The following TYW1B variants were observed in gnomAD, a reference collection of about 807,000 sequenced individuals.
TYW1B encodes S-adenosyl-L-methionine-dependent tRNA 4-demethylwyosine synthase TYW1B.
A neutral mutation model predicts 86.9 loss-of-function variants in TYW1B; 73 were observed. That is an observed-to-expected ratio of 0.84 (90% confidence interval 0.70 to 1.02). The LOEUF (loss-of-function observed/expected upper bound fraction) is 1.02. TYW1B is among the 50% of genes least tolerant of loss of function. The probability of loss-of-function intolerance (pLI) is 0.00; values close to 1 mark genes in which losing one functional copy is unlikely to be tolerated. For missense variants in TYW1B, 637 were observed against 827.4 expected, an observed-to-expected ratio of 0.77 and a Z score of 2.82; for synonymous variants, 248 against 292.8, an observed-to-expected ratio of 0.85 and a Z score of 1.56.
chr7:72,744,506 T>G lies in TYW1B; in HGVS notation c.1060A>C (p.Asn354His), dbSNP rs782625699. 3 of 1,611,986 alleles carry G rather than the reference T, an allele frequency of 1.9e-6. No homozygotes were observed. The highest frequency in any genetic ancestry group is 1.7e-4 in the Middle Eastern group (1 of 6,052). The stretch of plus-strand genomic sequence containing the variant: ...TACCACCAACAGAAGACACATTTAT[T>G]AGCACACGCCAAGCTCGGGGTGGTT... ...METTPSLACA[N>H]KCVFCWWHHN... The change falls in exon 8 of 14, where the codon AAT becomes CAT. Residue 354 changes from asparagine to histidine, a missense_variant. Physicochemically the swap from Asn to His is moderately conservative, Grantham distance 68. Coordinates refer to ENST00000620995, the MANE Select transcript of TYW1B (RefSeq NM_001145440.3).
intron 6 of TYW1B, among the ~76,000 whole-genome samples, chr7:72,800,339 G>A (rs1247452839): frequency 2.0e-5 from 3 of 151,858 alleles, no homozygotes; most frequent in Non-Finnish European, 2.9e-5. Flanking sequence ...TTGTGACTAC[G>A]GGCACATGCC....
rs117337231 is a variant in TYW1B at position 72,707,925 on chromosome 7, G to A, written c.1370+5696C>T. Among the ~76,000 whole-genome samples the A allele has an allele frequency of 6.5e-3, 991 of 152,322 alleles. 8 individuals are homozygous for A. The highest frequency in any genetic ancestry group is 9.7e-3 in the Non-Finnish European group (661 of 68,034). ...ACGAGATGTGGTTGTTTAAAAGTGT[G>A]CAACATTTCCCTTCCCCCTTCATTC... is the stretch of plus-strand genomic sequence containing the variant. On this transcript the variant is annotated intron_variant, in intron 10 of 13. Transcript: ENST00000620995.
intron 7 of TYW1B, among the ~76,000 whole-genome samples, chr7:72,764,911 T>A (rs1176815252): frequency 6.6e-6 from 1 of 152,214 alleles, no homozygotes; most frequent in Non-Finnish European, 1.5e-5. Flanking sequence ...TGGTAAAGTA[T>A]ACTTTTGTGA....
chr7:72,784,618 C>G (rs1554472155), intron 6 of TYW1B, among the ~76,000 whole-genome samples: 1 of 152,196 alleles, frequency 6.6e-6, no homozygotes, highest in African/African-American at 2.4e-5. Context: ...CTGCCTCAGT[C>G]TCCCGAGTAG....
chr7:72,720,517 G>T (rs1786875846), intron 9 of TYW1B, among the ~76,000 whole-genome samples: 1 of 152,140 alleles, frequency 6.6e-6, no homozygotes, highest in South Asian at 2.1e-4. Flanking sequence ...ACTTTTTAAA[G>T]TAATGGATTC....
chr7:72,672,244 G>A (rs534811719), intron 11 of TYW1B, among the ~76,000 whole-genome samples: 2 of 152,036 alleles, frequency 1.3e-5, no homozygotes, highest in African/African-American at 4.8e-5. Flanking sequence ...ATGTGGAACT[G>A]TAAGTCCCAT....
intron 2 of TYW1B, among the ~76,000 whole-genome samples, chr7:72,816,421 T>G (rs1415865081): frequency 6.6e-6 from 1 of 151,504 alleles, no homozygotes; most frequent in Non-Finnish European, 1.5e-5. Context: ...GTGAAAAGAA[T>G]GGGAAACATG....
chr7:72,623,660 C>T (rs1812278571), intron 12 of TYW1B, among the ~76,000 whole-genome samples: 1 of 152,112 alleles, frequency 6.6e-6, no homozygotes, highest in African/African-American at 2.4e-5. Flanking sequence ...GACAGATATG[C>T]ACCTTCCCAA....
At chr7:72,783,439 T>C (rs1479846327) in intron 6 of TYW1B, among the ~76,000 whole-genome samples, 1 of 150,148 alleles carries the variant, frequency 6.7e-6, no homozygotes, top group Non-Finnish European at 1.5e-5. Flanking sequence ...TGAAGTAGAA[T>C]TTTAATATTA....
chr7:72,606,324 T>C (rs1811797432), intron 13 of TYW1B, among the ~76,000 whole-genome samples: 1 of 152,104 alleles, frequency 6.6e-6, no homozygotes, highest in African/African-American at 2.4e-5. Context: ...CTCATTCCCA[T>C]CCGGTCAGCA....
chr7:72,685,017 T>C lies in TYW1B; in HGVS notation c.1506+9670A>G, dbSNP rs1813974544. Among the ~76,000 whole-genome samples, 4 of 150,312 alleles carry C rather than the reference T, an allele frequency of 2.7e-5. No homozygotes were observed. The South Asian group carries it at 8.4e-4, about 31-fold the overall frequency. The stretch of plus-strand genomic sequence containing the variant: ...ATCCCTGCTACTTGGGAGGCTGAGA[T>C]AGGCAAATTGCTTGAACCTGGGAGG... On this transcript the variant is annotated intron_variant, in intron 11 of 13. Coordinates refer to ENST00000620995, the MANE Select transcript of TYW1B (RefSeq NM_001145440.3).
At chr7:72,653,443 TA>T (rs782732371) in intron 11 of TYW1B, among the ~76,000 whole-genome samples, 2 of 151,604 alleles carry the variant, frequency 1.3e-5, no homozygotes, top group Non-Finnish European at 2.9e-5. Context: ...CCGTCTCTTC[TA>T]AAAATACAAA....
At chr7:72,699,654 CTT>C (rs1294199708) in intron 10 of TYW1B, among the ~76,000 whole-genome samples, 4 of 145,858 alleles carry the variant, frequency 2.7e-5, no homozygotes, top group African/African-American at 2.5e-5. Flanking sequence ...TTTTTCTTTT[CTT>C]TTTTTTTTTT....
At chr7:72,628,178 G>A (rs1436185777) in intron 12 of TYW1B, among the ~76,000 whole-genome samples, 1 of 152,176 alleles carries the variant, frequency 6.6e-6, no homozygotes, top group African/African-American at 2.4e-5. Context: ...AGCTACTCAG[G>A]AGGCTGAGGC....
chr7:72,591,535 T>C (rs1554431424), intron 13 of TYW1B, among the ~76,000 whole-genome samples: 1 of 152,100 alleles, frequency 6.6e-6, no homozygotes, highest in African/African-American at 2.4e-5. Context: ...GCTAATAATG[T>C]TTAAAGTGCT....
At chr7:72,706,088 A>G (rs1243740529) in intron 10 of TYW1B, among the ~76,000 whole-genome samples, 3 of 152,220 alleles carry the variant, frequency 2.0e-5, no homozygotes, top group African/African-American at 7.2e-5. Context: ...AAGAGGGAAA[A>G]GAATTCTTTG....
At chr7:72,615,833 AG>A (rs1812059381) in intron 13 of TYW1B, among the ~76,000 whole-genome samples, 1 of 152,162 alleles carries the variant, frequency 6.6e-6, no homozygotes, top group South Asian at 2.1e-4. Flanking sequence ...TTAATAGCAC[AG>A]GAGACACAGC....
intron 10 of TYW1B, among the ~76,000 whole-genome samples, chr7:72,707,599 C>G (rs1251364542): frequency 6.6e-6 from 1 of 152,170 alleles, no homozygotes; most frequent in Non-Finnish European, 1.5e-5. Context: ...TCTGTTTTGA[C>G]AAACAAAAGC....
chr7:72,807,842 G>A (rs1265112726), intron 4 of TYW1B, among the ~76,000 whole-genome samples: 3 of 152,138 alleles, frequency 2.0e-5, no homozygotes, highest in East Asian at 1.9e-4. Flanking sequence ...AGGAACAGGG[G>A]TTATCAGAGG....
Sources: gnomAD v4.1 joint callset for allele counts (sites outside exome capture counted in the v4.1 genomes callset) on GRCh38, gnomAD v4.1.1 for gene constraint, MANE v1.5 for transcripts, NCBI Gene and HGNC (gene_info 2026-07-23, HGNC 2026-07-21) for gene names.